The following DCPS variants were observed in gnomAD, a reference collection of about 807,000 sequenced individuals.
The protein encoded by DCPS is decapping enzyme, scavenger, also known as m7GpppX diphosphatase.
Under a neutral mutation model 34.7 loss-of-function variants are expected in DCPS, and 27 were observed. The observed-to-expected ratio is 0.78, with a 90% CI of 0.57 to 1.07. The LOEUF (loss-of-function observed/expected upper bound fraction) is 1.07. Among genes scored for constraint, DCPS ranks in the 50% least tolerant of loss-of-function variants. DCPS has a pLI of 0.00. For synonymous variants in DCPS, 185 were observed against 185.7 expected (o/e 1.00, Z 0.03); for missense variants, 464 against 436.9 (o/e 1.06, Z -0.55).
intron 2 of DCPS, among the ~76,000 whole-genome samples, chr11:126,316,093 G>C (rs1020744941): frequency 2.0e-5 from 3 of 151,966 alleles, no homozygotes; most frequent in Non-Finnish European, 2.9e-5. Context: ...CTGCTTTTTA[G>C]TTTGTTTCAT....
Position 126,313,588 on chromosome 11 carries a change from C to A in DCPS, c.376+6844C>A, listed in dbSNP as rs1395139209. 6.6e-6 allele frequency among the ~76,000 whole-genome samples: 1 copy of A among 152,010 alleles called. No individual in the cohort carries two copies. The highest frequency in any genetic ancestry group is 2.4e-5 in the African/African-American group (1 of 41,376). On this transcript the variant is annotated intron_variant, in intron 2 of 5. Coordinates refer to ENST00000263579, the MANE Select transcript of DCPS (RefSeq NM_014026.6). The surrounding 1 kb of genome is among the most constrained non-coding windows in gnomAD (Gnocchi z 4.9). ...AGCATGACACAGAATACACATGGTG[C>A]GATTAAAATGGTACAAAGTTGAAAA...
chr11:126,306,515 C>A (rs1749780529), intron 1 of DCPS, 55 bp from the exon 2 acceptor site: 1 of 1,503,104 alleles, frequency 6.7e-7, no homozygotes. Flanking sequence ...TCTTGCTCTC[C>A]AGAGTCTCAT....
intron 2 of DCPS, among the ~76,000 whole-genome samples, chr11:126,318,574 G>A (rs950967108): frequency 4.6e-5 from 7 of 152,324 alleles, no homozygotes; most frequent in South Asian, 2.1e-4. Flanking sequence ...CATGCCTTGC[G>A]AAGTCCGGTT....
chr11:126,311,937 A>T (rs934480474), intron 2 of DCPS, among the ~76,000 whole-genome samples: 3 of 152,136 alleles, frequency 2.0e-5, no homozygotes, highest in Non-Finnish European at 2.9e-5. Flanking sequence ...TTAGTTAGTT[A>T]GTTTGTTTTT....
Position 126,312,038 on chromosome 11 carries a change from C to A in DCPS, c.376+5294C>A, listed in dbSNP as rs1253929467. ...CCCTGCCTCCCGGGTTCGAGTGATT[C>A]TCCAGCCTCAGCCTCCCGAGTAGCT... On this transcript the variant is annotated intron_variant, in intron 2 of 5. Coordinates refer to ENST00000263579, the MANE Select transcript of DCPS (RefSeq NM_014026.6). The surrounding 1 kb of genome is among the most constrained non-coding windows in gnomAD (Gnocchi z 5.1). 1.3e-5 allele frequency among the ~76,000 whole-genome samples: 2 copies of A among 152,182 alleles called. No individual in the cohort carries two copies. The highest frequency in any genetic ancestry group is 4.8e-5 in the African/African-American group (2 of 41,446).
Position 126,345,517 on chromosome 11 carries a change from G to A in DCPS, c.918G>A (p.Glu306=), listed in dbSNP as rs1215363009. The A allele has an allele frequency of 1.2e-6, 2 of 1,613,992 alleles. No homozygotes were observed. The highest frequency in any genetic ancestry group is 1.3e-5 in the African/African-American group (1 of 74,934). ...HLLAEVIENL[E]CDPRHYQQRT... ...TGGCTGAGGTGATCGAGAACTTGGA[G>A]TGTGACCCTAGGCACTACCAGCAGC... Residue 306 remains glutamate (E), a synonymous_variant, in exon 6 of 6, where the codon GAG becomes GAA. Coordinates refer to ENST00000263579, the MANE Select transcript of DCPS (RefSeq NM_014026.6). The surrounding 1 kb of genome is among the most constrained non-coding windows in gnomAD (Gnocchi z 7.4).
At position 126,337,458 on chromosome 11, in the gene DCPS, G is replaced by A. The variant is rs887004017; in HGVS notation, c.523-828G>A. The A allele has an allele frequency of 1.3e-5, 2 of 152,320 alleles. No individual in the cohort carries two copies. The highest frequency in any genetic ancestry group is 2.9e-5 in the Non-Finnish European group (2 of 68,160). 9.4% of individuals were successfully genotyped at this position (152,320 alleles called of 1,614,324 possible). A position where few individuals can be genotyped will look rare whatever the true frequency, so the allele number is the denominator to read the frequency against. ...AACCTCCTGCAGCCTCCTAACCTCAGACAGGCCTCCAGGACCATCTCTGTA... is the reference window on the plus strand; with the variant it reads ...AACCTCCTGCAGCCTCCTAACCTCAAACAGGCCTCCAGGACCATCTCTGTA... On this transcript the variant is annotated intron_variant, in intron 3 of 5. Coordinates refer to ENST00000263579, the MANE Select transcript of DCPS (RefSeq NM_014026.6). The surrounding 1 kb of genome is among the most constrained non-coding windows in gnomAD (Gnocchi z 5.3).
chr11:126,340,510 G>A (rs1169669131), intron 4 of DCPS, among the ~76,000 whole-genome samples: 2 of 152,176 alleles, frequency 1.3e-5, no homozygotes, highest in African/African-American at 4.8e-5. Flanking sequence ...GACTTTTGAT[G>A]ATGCTGTATT....
chr11:126,343,284 G>A (rs1281268186), intron 4 of DCPS, 23 bp from the exon 5 acceptor site: 1 of 1,601,442 alleles, frequency 6.2e-7, no homozygotes, highest in Non-Finnish European at 8.5e-7. Context: ...GCTGAGCCTG[G>A]TCTCCCCTTG....
intron 1 of DCPS, among the ~76,000 whole-genome samples, chr11:126,305,168 A>G (rs1440646570): frequency 6.6e-6 from 1 of 152,116 alleles, no homozygotes; most frequent in Non-Finnish European, 1.5e-5. Flanking sequence ...GCTAGAGTGC[A>G]GTGATGTGAT....
At chr11:126,309,538 G>GT (rs1281804181) in intron 2 of DCPS, among the ~76,000 whole-genome samples, 1 of 152,142 alleles carries the variant, frequency 6.6e-6, no homozygotes, top group African/African-American at 2.4e-5. Context: ...AAGTCTGTAC[G>GT]TATTCAATAC....
In DCPS at chr11:126,313,623, A is replaced by G. The variant is rs1209928010; in HGVS notation, c.376+6879A>G. ...GGTACAAAGTTGAAAAACAAGCAGA[A>G]CTGAACAATATACTGCCTAGGGATG... On this transcript the variant is annotated intron_variant, in intron 2 of 5. Coordinates refer to ENST00000263579, the MANE Select transcript of DCPS (RefSeq NM_014026.6). The surrounding 1 kb of genome is among the most constrained non-coding windows in gnomAD (Gnocchi z 4.9). 7.9e-5 allele frequency among the ~76,000 whole-genome samples: 12 copies of G among 152,128 alleles called. No individual in the cohort carries two copies. Among genetic ancestry groups the G allele is most frequent in the Non-Finnish European group, 1.5e-5 (1 of 68,034 alleles).
chr11:126,306,389 C>T (rs754077039), intron 1 of DCPS, among the ~76,000 whole-genome samples, 181 bp from the exon 2 acceptor site: 31 of 152,110 alleles, frequency 2.0e-4, no homozygotes, highest in Non-Finnish European at 3.7e-4. Flanking sequence ...AAAAAGATGC[C>T]TTCTCTGAGA....
rs200565790 is a variant in DCPS at position 126,331,547 on chromosome 11, C to T, written c.519C>T (p.Ile173=). The T allele has an allele frequency of 4.6e-5, 75 of 1,613,768 alleles. No homozygotes were observed. Among genetic ancestry groups the T allele is most frequent in the Non-Finnish European group, 6.1e-5 (72 of 1,179,894 alleles). The change falls in exon 3 of 6, where the codon ATC becomes ATT. Residue 173 remains isoleucine (I), a synonymous_variant. Coordinates refer to ENST00000263579, the MANE Select transcript of DCPS (RefSeq NM_014026.6). The surrounding 1 kb of genome is among the most constrained non-coding windows in gnomAD (Gnocchi z 7.2). ...ACCTGGAGTCCCAGAGCCTCAGCAT[C>T]CAGGTGACTGGCTGCATGTCTCAGA... ...LPHLESQSLS[I]QWVYNILDKK...
intron 2 of DCPS, among the ~76,000 whole-genome samples, chr11:126,324,620 T>C (rs1456771174): frequency 7.0e-6 from 1 of 143,720 alleles, no homozygotes; most frequent in East Asian, 2.5e-4. Context: ...GCCTAGCTAA[T>C]TTTTCTGCCT....
intron 1 of DCPS, among the ~76,000 whole-genome samples, chr11:126,306,317 G>A (rs1341429614): frequency 1.3e-5 from 2 of 151,766 alleles, no homozygotes; most frequent in Non-Finnish European, 2.9e-5. Flanking sequence ...AGGTTGCAGT[G>A]AGCCAAGATC....
chr11:126,312,612 A>C lies in DCPS; in HGVS notation c.376+5868A>C, dbSNP rs1591381949. On this transcript the variant is annotated intron_variant, in intron 2 of 5. Transcript: ENST00000263579. The surrounding 1 kb of genome is among the most constrained non-coding windows in gnomAD (Gnocchi z 5.1). ...CGCTTTGGCTGCTCAGAGTGCTGGGATTACAGGAGTGAGCCACCACGCCCA... is the reference window on the plus strand; with the variant it reads ...CGCTTTGGCTGCTCAGAGTGCTGGGCTTACAGGAGTGAGCCACCACGCCCA... Among the ~76,000 whole-genome samples, 1 of 152,056 alleles carries C rather than the reference A, an allele frequency of 6.6e-6. No homozygotes were observed. The highest frequency in any genetic ancestry group is 2.1e-4 in the South Asian group (1 of 4,816).
chr11:126,345,390 G>T lies in DCPS; in HGVS notation c.791G>T (p.Arg264Leu), dbSNP rs140377449. 5.0e-6 allele frequency: 8 copies of T among 1,614,046 alleles called. No homozygotes were observed. Among genetic ancestry groups the T allele is most frequent in the Non-Finnish European group, 5.9e-6 (7 of 1,180,032 alleles). ...TACCGGATGAAGGGAGACCATCTGC[G>T]AGTATACCTGCACTACCTGCCCTCC... ...QRYRMKGDHL[R>L]VYLHYLPSYY... The change falls in exon 6 of 6, where the codon CGA (arginine) becomes CTA (leucine). Residue 264 changes from arginine to leucine, a missense_variant. By Grantham distance (102) the Arg-to-Leu change is moderately radical. Transcript: ENST00000263579. This position sits in a 1 kb window ranked among gnomAD's most constrained non-coding sequence, Gnocchi z 7.4.
In DCPS at chr11:126,329,388, C is replaced by T. The variant is rs1265636019; in HGVS notation, c.377-2017C>T. Among the ~76,000 whole-genome samples the T allele has an allele frequency of 6.6e-6, 1 of 152,200 alleles. No individual in the cohort carries two copies. The highest frequency in any genetic ancestry group is 1.5e-5 in the Non-Finnish European group (1 of 68,034). On this transcript the variant is annotated intron_variant, in intron 2 of 5. Coordinates refer to ENST00000263579, the MANE Select transcript of DCPS (RefSeq NM_014026.6). This position sits in a 1 kb window ranked among gnomAD's most constrained non-coding sequence, Gnocchi z 5.0. ...CTGTGAGGCAGATTTGATGACCACC[C>T]TTTAATAGGTGAGGAAGCCAAGGCT...
Sources: allele counts gnomAD v4.1 joint callset (sites outside exome capture counted in the v4.1 genomes callset), GRCh38; gene constraint gnomAD v4.1.1; non-coding constraint Gnocchi (gnomAD v3.1); transcripts MANE v1.5; gene names NCBI Gene and HGNC (gene_info 2026-07-23, HGNC 2026-07-21).